Variants in GDF10 observed in about 807,000 individuals in gnomAD.
The protein encoded by GDF10 is growth/differentiation factor 10.
GDF10 carries 23 observed loss-of-function variants against 32.1 expected under a neutral mutation model. The ratio of observed to expected loss-of-function variants is 0.72; its 90% CI spans 0.52 to 1.02. The LOEUF (loss-of-function observed/expected upper bound fraction) is 1.02, where lower values mean the gene tolerates loss of function less well. Among genes scored for constraint, GDF10 ranks in the 50% least tolerant of loss-of-function variants. The pLI is 0.00. For missense variants in GDF10, 764 were observed against 673.9 expected, an observed-to-expected ratio of 1.13 and a Z score of -1.48; for synonymous variants, 328 against 303.1, an observed-to-expected ratio of 1.08 and a Z score of -0.85.
At chr10:47,304,319 G>A (rs868910504) in intron 1 of GDF10, among the ~76,000 whole-genome samples, 1 of 151,914 alleles carries the variant, frequency 6.6e-6, no homozygotes, top group East Asian at 1.9e-4. Context: ...AATATACAAC[G>A]TGCATGCGTA....
rs1474580368 is a variant in GDF10 at position 47,308,668 on chromosome 10, C to A, written c.320-1128C>A. On this transcript the variant is annotated intron_variant, in intron 1 of 2. Coordinates refer to ENST00000580279, the MANE Select transcript of GDF10 (RefSeq NM_004962.5). ...ACACACACTTCCCGGGCTTGGGAGC[C>A]CTGCTCCTCTCCAGACGTTCCCCAG... Among the ~76,000 whole-genome samples the A allele has an allele frequency of 1.2e-4, 18 of 152,106 alleles. 2 individuals are homozygous for A. Among genetic ancestry groups the A allele is most frequent in the Non-Finnish European group, 1.5e-5 (1 of 68,028 alleles).
At chr10:47,303,102 C>G (rs749502600) in intron 1 of GDF10, among the ~76,000 whole-genome samples, 2 of 152,198 alleles carry the variant, frequency 1.3e-5, no homozygotes, top group Non-Finnish European at 2.9e-5. Context: ...AGCCTCTTGC[C>G]TGCCCTCAGA....
chr10:47,306,197 A>T (rs374968068), intron 1 of GDF10, among the ~76,000 whole-genome samples: 16 of 152,366 alleles, frequency 1.1e-4, no homozygotes, highest in African/African-American at 3.8e-4. Flanking sequence ...CCAAGCACAT[A>T]CACTTGGAGC....
At chr10:47,302,613 A>T (rs542932396) in intron 1 of GDF10, among the ~76,000 whole-genome samples, 17 of 152,314 alleles carry the variant, frequency 1.1e-4, no homozygotes, top group African/African-American at 4.1e-4. Context: ...ATTAATCTCA[A>T]AAAGGACCTG....
chr10:47,307,935 GT>G (rs1555207270), intron 1 of GDF10, among the ~76,000 whole-genome samples: 5 of 152,184 alleles, frequency 3.3e-5, no homozygotes, highest in African/African-American at 1.2e-4. Flanking sequence ...TCACTAGGCT[GT>G]TTCTGTGATC....
intron 1 of GDF10, among the ~76,000 whole-genome samples, 192 bp downstream of exon 1, chr10:47,301,162 C>T (rs1555206828): frequency 6.6e-6 from 1 of 152,246 alleles, no homozygotes; most frequent in East Asian, 1.9e-4. Context: ...AGAGTGGCAG[C>T]AGGTGGCACA....
chr10:47,310,735 C>G lies in GDF10; in HGVS notation c.1245+14C>G, dbSNP rs200584035. On this transcript the variant is annotated intron_variant, in intron 2 of 2. Coordinates refer to ENST00000580279, the MANE Select transcript of GDF10 (RefSeq NM_004962.5). Reference sequence around the variant, plus strand: ...CCCATGCCTAAGGTAGGGTTTCTTCCGCCTTTTGCCAAATTCTAAGGCTCA... The same window carrying G: ...CCCATGCCTAAGGTAGGGTTTCTTCGGCCTTTTGCCAAATTCTAAGGCTCA... The G allele has an allele frequency of 4.6e-5, 72 of 1,576,496 alleles. 1 individual carries two copies. The East Asian group carries it at 1.4e-3, about 31-fold the overall frequency.
Position 47,310,622 on chromosome 10 carries a change from G to A in GDF10, c.1146G>A (p.Lys382=), listed in dbSNP as rs782812708. ...GGGTGTGCTCCCGGAGGTACCTGAAGGTGGACTTCGCAGACATCGGCTGGA... is the reference window on the plus strand; with the variant it reads ...GGGTGTGCTCCCGGAGGTACCTGAAAGTGGACTTCGCAGACATCGGCTGGA... The part of the protein sequence containing the change: ...EPRVCSRRYL[K]VDFADIGWNE... The change falls in exon 2 of 3, where the codon AAG becomes AAA. Residue 382 remains lysine (K), a synonymous_variant. Transcript: ENST00000580279. 1 of 1,614,148 alleles carries A rather than the reference G, an allele frequency of 6.2e-7. No individual in the cohort carries two copies. The highest frequency in any genetic ancestry group is 1.7e-5 in the Admixed American group (1 of 60,034).
At chr10:47,308,365 G>T (rs747867467) in intron 1 of GDF10, among the ~76,000 whole-genome samples, 1 of 152,152 alleles carries the variant, frequency 6.6e-6, no homozygotes, top group African/African-American at 2.4e-5. Flanking sequence ...CAGGTTTGTT[G>T]TGAGGATTAA....
chr10:47,310,682 C>T lies in GDF10; in HGVS notation c.1206C>T (p.Ala402=), dbSNP rs781915122. The part of the protein sequence containing the change: ...EWIISPKSFD[A]YYCAGACEFP... ...TAATCTCACCGAAATCTTTTGATGC[C>T]TACTACTGCGCGGGAGCATGTGAGT... The change falls in exon 2 of 3, where the codon GCC becomes GCT. Residue 402 remains alanine, a synonymous_variant. Transcript: ENST00000580279. 4.3e-6 allele frequency: 7 copies of T among 1,613,812 alleles called. No homozygotes were observed. The highest frequency in any genetic ancestry group is 2.7e-5 in the African/African-American group (2 of 74,926).
chr10:47,307,079 T>C (rs1285851759), intron 1 of GDF10, among the ~76,000 whole-genome samples: 3 of 152,124 alleles, frequency 2.0e-5, no homozygotes, highest in African/African-American at 7.2e-5. Flanking sequence ...ACGGGTGTCA[T>C]TGCCATTACC....
Position 47,300,350 on chromosome 10 carries a change from A to C in GDF10, c.-302A>C. 20 of 282,174 alleles carry C rather than the reference A, an allele frequency of 7.1e-5. No individual in the cohort carries two copies. Among genetic ancestry groups the C allele is most frequent in the East Asian group, 1.2e-4 (2 of 16,388 alleles). The allele number at this position is 282,174 out of a possible 1,614,324, so 17.5% of individuals were successfully genotyped here. On this transcript the variant is annotated 5_prime_UTR_variant, in exon 1 of 3. Coordinates refer to ENST00000580279, the MANE Select transcript of GDF10 (RefSeq NM_004962.5). Reference sequence around the variant, plus strand: ...AGCCGGGCCGGGCGCGCAGTGGGCTACAAACTTTCGCGGCGCGAGTCCGCC... The same window carrying C: ...AGCCGGGCCGGGCGCGCAGTGGGCTCCAAACTTTCGCGGCGCGAGTCCGCC...
intron 2 of GDF10, 101 bp from the exon 3 acceptor site, chr10:47,312,500 A>C: frequency 1.7e-6 from 1 of 603,862 alleles, no homozygotes; most frequent in Non-Finnish European, 2.7e-6. Flanking sequence ...CAGCCGGGGA[A>C]CAACAGCAGA....
chr10:47,313,034 C>A lies in GDF10; in HGVS notation c.*242C>A. On this transcript the variant is annotated 3_prime_UTR_variant, in exon 3 of 3. Transcript: ENST00000580279. ...GGAATTAGCCCTGGCCTGAAAGTGGCCCATCATTCATACCCACTGTTCTGA... is the reference window on the plus strand; with the variant it reads ...GGAATTAGCCCTGGCCTGAAAGTGGACCATCATTCATACCCACTGTTCTGA... The A allele has an allele frequency of 2.6e-6, 1 of 384,754 alleles. No individual in the cohort carries two copies. The highest frequency in any genetic ancestry group is 4.5e-5 in the Admixed American group (1 of 22,032). The allele number at this position is 384,754 out of a possible 1,614,324, so 23.8% of individuals were successfully genotyped here.
intron 1 of GDF10, 30 bp from the exon 2 acceptor site, chr10:47,309,766 C>T (rs1330965506): frequency 3.3e-6 from 5 of 1,518,686 alleles, no homozygotes; most frequent in African/African-American, 2.7e-5. Context: ...GCGAGAACTT[C>T]ACAGCCTGTG....
In GDF10 at chr10:47,300,499, C is replaced by A. The variant is rs1219774682; in HGVS notation, c.-153C>A. ...GCGCCCGGGTGCCTGCTCCGCTAAG[C>A]CCCTCGCCCCGCGCGGACCTCGGTA... On this transcript the variant is annotated 5_prime_UTR_variant, in exon 1 of 3. Coordinates refer to ENST00000580279, the MANE Select transcript of GDF10 (RefSeq NM_004962.5). The A allele has an allele frequency of 3.4e-5, 22 of 643,346 alleles. No individual in the cohort carries two copies. In the South Asian group the frequency reaches 4.7e-4, roughly 14 times the overall value. The allele number at this position is 643,346 out of a possible 1,614,324, so 39.9% of individuals were successfully genotyped here. A position where few individuals can be genotyped will look rare whatever the true frequency, so the allele number is the denominator to read the frequency against.
In GDF10 at chr10:47,310,331, C is replaced by T. The variant is rs782251312; in HGVS notation, c.855C>T (p.Asp285=). ...EPRAAPNNSA[D]PRVRRAAQAT... is the part of the protein sequence containing the mutation. ...GCGCAGCCCCCAACAACTCAGCGGA[C>T]CCCCGCGTGCGCCGAGCCGCGCAGG... The change falls in exon 2 of 3, where the codon GAC becomes GAT. Residue 285 remains aspartate, a synonymous_variant. Coordinates refer to ENST00000580279, the MANE Select transcript of GDF10 (RefSeq NM_004962.5). The T allele has an allele frequency of 6.5e-5, 105 of 1,605,534 alleles. No individual in the cohort carries two copies. Among genetic ancestry groups the T allele is most frequent in the East Asian group, 2.2e-4 (10 of 44,594 alleles).
chr10:47,308,552 G>GT (rs371845134), intron 1 of GDF10, among the ~76,000 whole-genome samples: 69 of 151,010 alleles, frequency 4.6e-4, no homozygotes, highest in African/African-American at 1.6e-3. Context: ...GAATATTTCT[G>GT]TTAAAAAAAA....
chr10:47,302,784 G>C (rs77259830), intron 1 of GDF10, among the ~76,000 whole-genome samples: 1 of 152,330 alleles, frequency 6.6e-6, no homozygotes, highest in African/African-American at 2.4e-5. Context: ...GCTATGACCA[G>C]GGTCTGGGAG....
Sources: allele counts gnomAD v4.1 joint callset (sites outside exome capture counted in the v4.1 genomes callset), GRCh38; gene constraint gnomAD v4.1.1; transcripts MANE v1.5; gene names NCBI Gene and HGNC (gene_info 2026-07-23, HGNC 2026-07-21).